Variants in C1orf21 observed in about 807,000 individuals in gnomAD.
C1orf21 encodes uncharacterized protein C1orf21.
A neutral mutation model predicts 18.7 loss-of-function variants in C1orf21; 3 were observed. The ratio of observed to expected loss-of-function variants is 0.16; its 90% CI spans 0.07 to 0.42. The LOEUF (loss-of-function observed/expected upper bound fraction) is 0.42, where lower values mean the gene tolerates loss of function less well. Ranked by LOEUF, C1orf21 falls within the 10% of genes least tolerant of loss-of-function variation. The probability of loss-of-function intolerance (pLI) is 0.99; values close to 1 mark genes in which losing one functional copy is unlikely to be tolerated. For synonymous variants in C1orf21, 41 were observed against 46.4 expected (o/e 0.88, Z 0.47); for missense variants, 104 against 143.6 (o/e 0.72, Z 1.41).
intron 3 of C1orf21, chr1:184,567,704 TA>T: frequency 2.7e-6 from 1 of 364,364 alleles, no homozygotes; most frequent in South Asian, 2.5e-5. Context: ...CCAGGGCTGC[TA>T]AAGTCAAAGG....
At chr1:184,555,422 T>G (rs973831210) in intron 3 of C1orf21, among the ~76,000 whole-genome samples, 2 of 152,182 alleles carry the variant, frequency 1.3e-5, no homozygotes, top group Admixed American at 1.3e-4. Context: ...AGGTCACTGA[T>G]GTATGTTCAC....
At chr1:184,429,316 C>A (rs1656694716) in intron 1 of C1orf21, among the ~76,000 whole-genome samples, 1 of 152,216 alleles carries the variant, frequency 6.6e-6, no homozygotes, top group South Asian at 2.1e-4. Context: ...TTCATGACAC[C>A]CTCCTTACCC....
At chr1:184,410,331 A>G (rs1406060185) in intron 1 of C1orf21, among the ~76,000 whole-genome samples, 1 of 151,792 alleles carries the variant, frequency 6.6e-6, no homozygotes, top group East Asian at 1.9e-4. Context: ...TTTTGTCCTA[A>G]CTTTTGAAGA....
intron 1 of C1orf21, among the ~76,000 whole-genome samples, chr1:184,410,628 TATATATATATATATATATATATATATATA>T (rs1656321981): frequency 3.7e-4 from 1 of 2,674 alleles, no homozygotes; most frequent in Non-Finnish European, 5.7e-4. Flanking sequence ...TATATATATA[TATATATATATATATATATATATATATATA>T]TATATATTTT....
rs146112894 is a variant in C1orf21, at chr1:184,450,266, G to A, written c.-124-27120G>A. On this transcript the variant is annotated intron_variant, in intron 1 of 5. Coordinates refer to ENST00000235307, the MANE Select transcript of C1orf21 (RefSeq NM_030806.4). ...AGAGCACGCCACCACACTGAATGCA[G>A]GCTTCTCAGGAGCCCTGTGAACCTG... Among the ~76,000 whole-genome samples the A allele has an allele frequency of 8.5e-3, 1,298 of 152,194 alleles. 20 individuals are homozygous for A. Among genetic ancestry groups the A allele is most frequent in the South Asian group, 0.035 (170 of 4,810 alleles).
intron 1 of C1orf21, among the ~76,000 whole-genome samples, chr1:184,405,607 G>C (rs966465962): frequency 1.3e-5 from 2 of 152,186 alleles, no homozygotes; most frequent in Admixed American, 1.3e-4. Flanking sequence ...GCTGATGAAG[G>C]GGACAGGGTG....
chr1:184,591,544 C>T (rs1244436106), intron 4 of C1orf21, among the ~76,000 whole-genome samples: 3 of 152,178 alleles, frequency 2.0e-5, no homozygotes, highest in African/African-American at 2.4e-5. Flanking sequence ...TGGTGGCTCA[C>T]GCCTGTAATC....
intron 3 of C1orf21, among the ~76,000 whole-genome samples, chr1:184,546,673 A>G (rs1658731925): frequency 6.6e-6 from 1 of 152,232 alleles, no homozygotes; most frequent in Non-Finnish European, 1.5e-5. Flanking sequence ...TATAGGGTCA[A>G]TGATATGATA....
intron 2 of C1orf21, among the ~76,000 whole-genome samples, chr1:184,487,446 T>G (rs1657749039): frequency 1.3e-5 from 2 of 152,214 alleles, no homozygotes; most frequent in South Asian, 4.1e-4. Flanking sequence ...AAGGGGAAAC[T>G]GAAGTTAAAA....
At chr1:184,429,019 C>T (rs764283729) in intron 1 of C1orf21, among the ~76,000 whole-genome samples, 3 of 152,154 alleles carry the variant, frequency 2.0e-5, no homozygotes, top group Non-Finnish European at 4.4e-5. Flanking sequence ...GCTCCATCCC[C>T]CAACCCAGTC....
intron 1 of C1orf21, among the ~76,000 whole-genome samples, chr1:184,475,523 G>A (rs1198211903): frequency 6.6e-6 from 1 of 152,140 alleles, no homozygotes; most frequent in African/African-American, 2.4e-5. Context: ...CCTCTGCCCA[G>A]TCATAATCTA....
In C1orf21 at chr1:184,620,492, G is replaced by C. The variant is rs1659900244; in HGVS notation, c.*936G>C. 6.6e-6 allele frequency: 1 copy of C among 152,484 alleles called. No individual in the cohort carries two copies. Among genetic ancestry groups the C allele is most frequent in the Non-Finnish European group, 1.5e-5 (1 of 68,004 alleles). 9.4% of individuals were successfully genotyped at this position (152,484 alleles called of 1,614,324 possible). ...AGGCTGAAAGTGGTCTAAGAGGTGA[G>C]GGGACATCCTATGACTTTTTAGGAA... On this transcript the variant is annotated 3_prime_UTR_variant, in exon 6 of 6. Coordinates refer to ENST00000235307, the MANE Select transcript of C1orf21 (RefSeq NM_030806.4).
chr1:184,551,769 G>A (rs1658816393), intron 3 of C1orf21, among the ~76,000 whole-genome samples: 1 of 152,118 alleles, frequency 6.6e-6, no homozygotes, highest in Admixed American at 6.5e-5. Context: ...CACTTTTGGA[G>A]GCTGAGGTGG....
intron 3 of C1orf21, among the ~76,000 whole-genome samples, chr1:184,585,660 C>T (rs1659342657): frequency 6.6e-6 from 1 of 152,136 alleles, no homozygotes; most frequent in African/African-American, 2.4e-5. Context: ...GTGATGTTCC[C>T]CTCTATGTGT....
At chr1:184,537,716 T>C (rs1234198066) in intron 3 of C1orf21, among the ~76,000 whole-genome samples, 1 of 152,144 alleles carries the variant, frequency 6.6e-6, no homozygotes, top group African/African-American at 2.4e-5. Flanking sequence ...AATGGTGTGA[T>C]CTTGGCTCAC....
chr1:184,448,708 G>A (rs1455263103), intron 1 of C1orf21, among the ~76,000 whole-genome samples: 2 of 152,156 alleles, frequency 1.3e-5, no homozygotes, highest in Non-Finnish European at 1.5e-5. Flanking sequence ...ATAGTAGCAG[G>A]GAGACCACGG....
intron 2 of C1orf21, among the ~76,000 whole-genome samples, chr1:184,501,215 G>A (rs773549933): frequency 1.5e-4 from 23 of 152,156 alleles, no homozygotes; most frequent in Non-Finnish European, 2.8e-4. Context: ...TGACTCCTTA[G>A]TAAGACTTGT....
Position 184,619,851 on chromosome 1 carries a change from C to A in C1orf21, c.*295C>A. On this transcript the variant is annotated 3_prime_UTR_variant, in exon 6 of 6. Transcript: ENST00000235307. ...ATGCAGCAAAATTCTGCAATTTCAC[C>A]TTAAAGATACTGTTGGTTTTACAGA... The A allele has an allele frequency of 3.5e-6, 1 of 287,384 alleles. No homozygotes were observed. The highest frequency in any genetic ancestry group is 6.4e-6 in the Non-Finnish European group (1 of 156,982). The allele number at this position is 287,384 out of a possible 1,614,324, so 17.8% of individuals were successfully genotyped here.
intron 3 of C1orf21, among the ~76,000 whole-genome samples, chr1:184,541,067 A>G (rs1246065275): frequency 6.6e-6 from 1 of 152,176 alleles, no homozygotes; most frequent in East Asian, 1.9e-4. Context: ...GGAAACTGAG[A>G]TATAGAGAAA....
Sources: gnomAD v4.1 joint callset for allele counts (sites outside exome capture counted in the v4.1 genomes callset) on GRCh38, gnomAD v4.1.1 for gene constraint, MANE v1.5 for transcripts, NCBI Gene and HGNC (gene_info 2026-07-23, HGNC 2026-07-21) for gene names.